Variants in PLEKHA5 observed in about 807,000 individuals in gnomAD.
PLEKHA5 encodes the protein pleckstrin homology domain-containing family A member 5.
Under a neutral mutation model 181.9 loss-of-function variants are expected in PLEKHA5, and 55 were observed. That is an observed-to-expected ratio of 0.30 (90% CI 0.24 to 0.38). The LOEUF is 0.38. PLEKHA5 is among the 10% of genes least tolerant of loss of function. PLEKHA5 has a pLI of 1.00. For synonymous variants in PLEKHA5, 535 were observed against 529.4 expected, an observed-to-expected ratio of 1.01 and a Z score of -0.15; for missense variants, 1,432 against 1,549.5, an observed-to-expected ratio of 0.92 and a Z score of 1.27.
intron 26 of PLEKHA5, among the ~76,000 whole-genome samples, chr12:19,356,941 G>A (rs2094966416): frequency 6.6e-6 from 1 of 152,078 alleles, no homozygotes; most frequent in Non-Finnish European, 1.5e-5. Flanking sequence ...TTACAGGTGT[G>A]AGCCACCGCG....
intron 3 of PLEKHA5, among the ~76,000 whole-genome samples, chr12:19,133,168 C>T (rs1239381954): frequency 1.3e-5 from 2 of 151,830 alleles, no homozygotes; most frequent in Admixed American, 6.6e-5. Flanking sequence ...TTAAAAAAGG[C>T]TTTTAGTAGA....
intron 3 of PLEKHA5, among the ~76,000 whole-genome samples, chr12:19,238,799 C>CAAAAAAAAAAAAAAAA (rs3056444): frequency 1.2e-5 from 1 of 85,518 alleles, no homozygotes; most frequent in Non-Finnish European, 2.4e-5. Flanking sequence ...TAAATCTGGC[C>CAAAAAAAAAAAAAAAA]AAAAAAAAAA....
At chr12:19,212,047 T>C (rs1472616359) in intron 3 of PLEKHA5, among the ~76,000 whole-genome samples, 1 of 152,176 alleles carries the variant, frequency 6.6e-6, no homozygotes, top group Non-Finnish European at 1.5e-5. Context: ...GTGCAGGAGC[T>C]CAGTCCAAAC....
At chr12:19,369,355 G>A (rs10841218) in intron 30 of PLEKHA5, among the ~76,000 whole-genome samples, 136,218 of 151,016 alleles carry the variant, frequency 0.9, 62,592 homozygotes, top group Non-Finnish European at 1. Flanking sequence ...AAATTTTTAA[G>A]TAGTTGTCAG....
At position 19,367,755 on chromosome 12, in the gene PLEKHA5, A is replaced by ATT. The variant is rs34285066; in HGVS notation, c.3754+1659_3754+1660dup. On this transcript the variant is annotated intron_variant, in intron 30 of 31. Transcript: ENST00000429027. ...TCACCACGCCTGGCTAATTTTTTGT[A>ATT]TTTTTTTTTTTTTTAGTAGAGATAG... Among the ~76,000 whole-genome samples, 915 of 131,746 alleles carry ATT rather than the reference A, an allele frequency of 6.9e-3. 9 individuals are homozygous for ATT. The highest frequency in any genetic ancestry group is 0.024 in the African/African-American group (864 of 35,920). The allele number at this position is 131,746 out of a possible 152,430, so 86.4% of individuals were successfully genotyped here.
intron 3 of PLEKHA5, among the ~76,000 whole-genome samples, chr12:19,249,596 G>A (rs1457085603): frequency 1.3e-5 from 2 of 152,146 alleles, no homozygotes; most frequent in Non-Finnish European, 2.9e-5. Context: ...GAGGACTACT[G>A]TATATAAATA....
chr12:19,369,201 A>G (rs1371772635), intron 30 of PLEKHA5, among the ~76,000 whole-genome samples: 2 of 151,560 alleles, frequency 1.3e-5, no homozygotes, highest in South Asian at 2.1e-4. Flanking sequence ...TGTCTGACTA[A>G]TTTTTGTATT....
intron 15 of PLEKHA5, among the ~76,000 whole-genome samples, chr12:19,297,842 CTATATATG>C (rs1429081562): frequency 6.6e-6 from 1 of 151,100 alleles, no homozygotes; most frequent in Admixed American, 6.6e-5. Flanking sequence ...GAGTCAGCAC[CTATATATG>C]TGTCTTTTTA....
chr12:19,299,579 T>C (rs1379798964), intron 15 of PLEKHA5, among the ~76,000 whole-genome samples: 2 of 152,356 alleles, frequency 1.3e-5, no homozygotes, highest in East Asian at 1.9e-4. Flanking sequence ...ATATTCCTCA[T>C]CTTAATTTCC....
intron 3 of PLEKHA5, among the ~76,000 whole-genome samples, chr12:19,170,550 G>C (rs2045655845): frequency 1.3e-5 from 2 of 151,484 alleles, no homozygotes; most frequent in Admixed American, 1.3e-4. Context: ...CTCCGGAGTA[G>C]CTGTGATTAC....
chr12:19,142,162 C>G (rs959400887), intron 3 of PLEKHA5, among the ~76,000 whole-genome samples: 2 of 152,012 alleles, frequency 1.3e-5, no homozygotes, highest in African/African-American at 4.8e-5. Context: ...GAGTTCAAGA[C>G]CAGCCTACAC....
At chr12:19,371,909 C>G (rs1213900656) in intron 31 of PLEKHA5, 3 of 152,236 alleles carry the variant, frequency 2.0e-5, no homozygotes, top group African/African-American at 7.2e-5. Flanking sequence ...AGTGGTTGTA[C>G]TAGTTTACAT....
At chr12:19,231,243 A>G (rs913549619) in intron 3 of PLEKHA5, among the ~76,000 whole-genome samples, 9 of 152,106 alleles carry the variant, frequency 5.9e-5, no homozygotes, top group African/African-American at 1.2e-4. Context: ...CATCAAAAAC[A>G]TACCATGTAT....
chr12:19,306,850 C>A, intron 15 of PLEKHA5: 1 of 794,268 alleles, frequency 1.3e-6, no homozygotes. Flanking sequence ...GCTTTGATAA[C>A]GTACCATATG....
At chr12:19,221,413 TATTC>T (rs1286147557) in intron 3 of PLEKHA5, among the ~76,000 whole-genome samples, 8 of 152,194 alleles carry the variant, frequency 5.3e-5, no homozygotes, top group African/African-American at 1.9e-4. Flanking sequence ...CTTACTGTAT[TATTC>T]CCATACACGT....
chr12:19,364,375 G>C (rs548377256), intron 29 of PLEKHA5, among the ~76,000 whole-genome samples: 1 of 152,060 alleles, frequency 6.6e-6, no homozygotes, highest in South Asian at 2.1e-4. Context: ...TCCGGGCATA[G>C]TGGTACATTC....
At chr12:19,356,666 T>TC (rs1381512226) in intron 26 of PLEKHA5, among the ~76,000 whole-genome samples, 1 of 138,372 alleles carries the variant, frequency 7.2e-6, no homozygotes, top group African/African-American at 2.7e-5. Context: ...GTTTTTCTTT[T>TC]TTTTTTTTTT....
intron 3 of PLEKHA5, among the ~76,000 whole-genome samples, chr12:19,234,386 T>G (rs924352858): frequency 7.9e-5 from 12 of 152,166 alleles, no homozygotes; most frequent in Non-Finnish European, 1.8e-4. Flanking sequence ...ATGGCCCCCT[T>G]CACAACTGTG....
intron 21 of PLEKHA5, among the ~76,000 whole-genome samples, chr12:19,341,333 CAAATA>C (rs1448359744): frequency 6.6e-6 from 1 of 152,018 alleles, no homozygotes; most frequent in African/African-American, 2.4e-5. Context: ...CAGAGAAATG[CAAATA>C]AAATAAAAAT....
Sources: gnomAD v4.1 joint callset for allele counts (sites outside exome capture counted in the v4.1 genomes callset) on GRCh38, gnomAD v4.1.1 for gene constraint, MANE v1.5 for transcripts, NCBI Gene and HGNC (gene_info 2026-07-23, HGNC 2026-07-21) for gene names.